KCNQ3: variants seen among roughly 807,000 people sequenced by gnomAD.
KCNQ3 encodes potassium voltage-gated channel subfamily Q member 3.
KCNQ3 carries 30 observed loss-of-function variants against 92.5 expected under a neutral mutation model. That is an observed-to-expected ratio of 0.32 (90% confidence interval 0.24 to 0.44). The LOEUF (loss-of-function observed/expected upper bound fraction) is 0.44, where lower values mean the gene tolerates loss of function less well. KCNQ3 is among the 20% of genes least tolerant of loss of function. KCNQ3 has a pLI of 1.00. For missense variants in KCNQ3, 913 were observed against 1,140.3 expected, an observed-to-expected ratio of 0.80 and a Z score of 2.87; for synonymous variants, 450 against 468.8, an observed-to-expected ratio of 0.96 and a Z score of 0.52.
At chr8:132,188,046 A>G (rs1444043214) in intron 1 of KCNQ3, among the ~76,000 whole-genome samples, 5 of 152,220 alleles carry the variant, frequency 3.3e-5, no homozygotes, top group African/African-American at 4.8e-5. Flanking sequence ...TTCATCAAAA[A>G]GAATCACTAC....
At chr8:132,264,788 G>C (rs1815925909) in intron 1 of KCNQ3, among the ~76,000 whole-genome samples, 1 of 152,144 alleles carries the variant, frequency 6.6e-6, no homozygotes, top group African/African-American at 2.4e-5. Flanking sequence ...CTATATTTCA[G>C]GATAATAACT....
intron 1 of KCNQ3, among the ~76,000 whole-genome samples, chr8:132,318,439 G>C (rs1212203556): frequency 2.6e-5 from 4 of 152,314 alleles, no homozygotes; most frequent in African/African-American, 9.6e-5. Flanking sequence ...GAATCTGTTT[G>C]TAAGACTTTG....
At chr8:132,294,000 G>GTGT (rs1816939658) in intron 1 of KCNQ3, among the ~76,000 whole-genome samples, 1 of 124,192 alleles carries the variant, frequency 8.1e-6, no homozygotes, top group East Asian at 2.5e-4. Flanking sequence ...TGTGTGTGTG[G>GTGT]TTTTTTTTTT....
At chr8:132,416,079 C>G (rs1335718319) in intron 1 of KCNQ3, among the ~76,000 whole-genome samples, 3 of 152,160 alleles carry the variant, frequency 2.0e-5, no homozygotes, top group African/African-American at 7.2e-5. Flanking sequence ...GAGGTTCTAC[C>G]AGAAGACACC....
intron 1 of KCNQ3, among the ~76,000 whole-genome samples, chr8:132,289,091 A>G (rs959111542): frequency 2.0e-5 from 3 of 152,216 alleles, no homozygotes; most frequent in Non-Finnish European, 4.4e-5. Flanking sequence ...GACATTGAAT[A>G]TAAGAGGTAG....
chr8:132,330,902 G>C (rs1193076928), intron 1 of KCNQ3, among the ~76,000 whole-genome samples: 1 of 152,188 alleles, frequency 6.6e-6, no homozygotes, highest in Non-Finnish European at 1.5e-5. Context: ...TGCCGGGTCT[G>C]ATGGACATAA....
intron 1 of KCNQ3, among the ~76,000 whole-genome samples, chr8:132,328,168 A>G (rs1405174908): frequency 6.6e-6 from 1 of 152,136 alleles, no homozygotes; most frequent in Non-Finnish European, 1.5e-5. Flanking sequence ...GCAAACACCC[A>G]GGAATAGGAA....
At chr8:132,275,831 C>T (rs901590507) in intron 1 of KCNQ3, among the ~76,000 whole-genome samples, 214 of 152,322 alleles carry the variant, frequency 1.4e-3, no homozygotes, top group East Asian at 1.2e-3. Flanking sequence ...CCCACCTCGG[C>T]CTCCCAAAGT....
chr8:132,274,770 G>T (rs1291432089), intron 1 of KCNQ3, among the ~76,000 whole-genome samples: 1 of 152,144 alleles, frequency 6.6e-6, no homozygotes, highest in Non-Finnish European at 1.5e-5. Context: ...TGGGGTGCTG[G>T]GAAGTGGGCA....
intron 1 of KCNQ3, among the ~76,000 whole-genome samples, chr8:132,246,085 C>T (rs1815165719): frequency 6.6e-6 from 1 of 152,126 alleles, no homozygotes; most frequent in Non-Finnish European, 1.5e-5. Context: ...CTTGAAGATT[C>T]GGAGCATGGT....
intron 1 of KCNQ3, among the ~76,000 whole-genome samples, chr8:132,463,480 C>T (rs1822106286): frequency 1.3e-5 from 2 of 152,168 alleles, no homozygotes; most frequent in South Asian, 4.1e-4. Flanking sequence ...TCAAGTGAAC[C>T]GAAAACTCTC....
At chr8:132,228,105 C>G (rs952529020) in intron 1 of KCNQ3, among the ~76,000 whole-genome samples, 2 of 152,100 alleles carry the variant, frequency 1.3e-5, no homozygotes, top group African/African-American at 4.8e-5. Flanking sequence ...AAACCAAAGC[C>G]GCTGCAATTA....
intron 1 of KCNQ3, among the ~76,000 whole-genome samples, chr8:132,355,413 G>A (rs58917733): frequency 0.029 from 4,405 of 152,056 alleles, 229 homozygotes; most frequent in African/African-American, 0.1. Context: ...TGTCCAGGGA[G>A]AGGCCCCTGA....
In KCNQ3 at chr8:132,129,897, C is replaced by T. The variant is rs1824810813; in HGVS notation, c.1984G>A (p.Gly662Ser). Residue 662 changes from glycine to serine, a missense_variant, in exon 15 of 15, where the codon GGC (glycine) becomes AGC (serine). Around this residue, in one of 6 missense-constraint regions of KCNQ3, gnomAD observed 375 missense variants for 376.4 expected, o/e 1.00. Coordinates refer to ENST00000388996, the MANE Select transcript of KCNQ3 (RefSeq NM_004519.4). The surrounding 1 kb of genome is among the most constrained non-coding windows in gnomAD (Gnocchi z 5.9). Reference protein sequence around the residue: ...VQVTEYYPTKGTSSPAEAEKK... With the variant: ...VQVTEYYPTKSTSSPAEAEKK... Reference sequence around the variant, plus strand: ...TCTGCTTCAGCTGGCGAGGAGGTGCCCTTGGTTGGGTAATACTCCGTGACC... The same window carrying T: ...TCTGCTTCAGCTGGCGAGGAGGTGCTCTTGGTTGGGTAATACTCCGTGACC... The T allele has an allele frequency of 6.2e-7, 1 of 1,613,964 alleles. No homozygotes were observed. The highest frequency in any genetic ancestry group is 8.5e-7 in the Non-Finnish European group (1 of 1,180,000).
intron 1 of KCNQ3, among the ~76,000 whole-genome samples, chr8:132,369,792 G>T (rs1183834720): frequency 6.6e-6 from 1 of 152,164 alleles, no homozygotes; most frequent in Non-Finnish European, 1.5e-5. Context: ...CACACACCTG[G>T]CATTATAAGC....
At chr8:132,328,310 T>C (rs1192871276) in intron 1 of KCNQ3, among the ~76,000 whole-genome samples, 2 of 152,164 alleles carry the variant, frequency 1.3e-5, no homozygotes, top group Non-Finnish European at 2.9e-5. Flanking sequence ...CCCAGTGTCA[T>C]AGTCATGCTG....
intron 9 of KCNQ3, among the ~76,000 whole-genome samples, chr8:132,153,633 A>C (rs527817658): frequency 1.3e-5 from 2 of 152,154 alleles, no homozygotes; most frequent in East Asian, 3.9e-4. Flanking sequence ...CTTATATCAC[A>C]CTAGTATTCA....
chr8:132,210,085 G>A (rs962787161), intron 1 of KCNQ3, among the ~76,000 whole-genome samples: 2 of 152,188 alleles, frequency 1.3e-5, no homozygotes, highest in African/African-American at 4.8e-5. Context: ...AGCTAGCTGT[G>A]AATTAAAATC....
At chr8:132,343,857 G>A (rs765749507) in intron 1 of KCNQ3, among the ~76,000 whole-genome samples, 6 of 152,282 alleles carry the variant, frequency 3.9e-5, no homozygotes, top group Middle Eastern at 3.4e-3. Context: ...AATGAAGGGC[G>A]TATCTGTGCC....
Sources: gnomAD v4.1 joint callset for allele counts (sites outside exome capture counted in the v4.1 genomes callset) on GRCh38, gnomAD v4.1.1 for gene constraint, gnomAD v4.1.1 regional missense constraint, Gnocchi (gnomAD v3.1) non-coding constraint, MANE v1.5 for transcripts, NCBI Gene and HGNC (gene_info 2026-07-23, HGNC 2026-07-21) for gene names.